The following TMEM232 variants were observed in gnomAD, a reference collection of about 807,000 sequenced individuals.
TMEM232 encodes the protein transmembrane protein 232.
In TMEM232, 80 loss-of-function variants were observed where a neutral mutation model predicts 78.8. The observed-to-expected ratio is 1.01, with a 90% CI of 0.85 to 1.22. The LOEUF (loss-of-function observed/expected upper bound fraction) is 1.22, where lower values mean the gene tolerates loss of function less well. TMEM232 is among the 50% of genes most tolerant of loss of function. The pLI, the probability that TMEM232 is intolerant of heterozygous loss-of-function variation, is 0.00. For synonymous variants in TMEM232, 297 were observed against 254.3 expected (o/e 1.17, Z -1.60); for missense variants, 881 against 742.2 (o/e 1.19, Z -2.17).
intron 1 of TMEM232, among the ~76,000 whole-genome samples, chr5:110,673,017 G>A (rs566273997): frequency 1.3e-3 from 196 of 152,104 alleles, no homozygotes; most frequent in African/African-American, 4.3e-3. Context: ...TGTTTATTGC[G>A]GCACTATTCA....
chr5:110,562,974 CTG>C (rs1388540325), intron 11 of TMEM232, among the ~76,000 whole-genome samples: 1 of 152,048 alleles, frequency 6.6e-6, no homozygotes, highest in South Asian at 2.1e-4. Context: ...ATAGAGTTAA[CTG>C]TGTGTTTTAG....
At chr5:110,460,925 T>A (rs1014055805) in intron 12 of TMEM232, among the ~76,000 whole-genome samples, 4 of 152,166 alleles carry the variant, frequency 2.6e-5, no homozygotes, top group Non-Finnish European at 5.9e-5. Flanking sequence ...ATACACATTG[T>A]ACGTGTTCTG....
At chr5:110,527,179 AT>A (rs1254957559) in intron 12 of TMEM232, among the ~76,000 whole-genome samples, 1 of 151,872 alleles carries the variant, frequency 6.6e-6, no homozygotes, top group Non-Finnish European at 1.5e-5. Context: ...AATTTGGAGC[AT>A]TTTTTGTGAA....
chr5:110,424,693 G>T, intron 13 of TMEM232, 130 bp downstream of exon 13: 2 of 732,910 alleles, frequency 2.7e-6, no homozygotes, highest in Non-Finnish European at 4.4e-6. Flanking sequence ...AATTCAGTTT[G>T]GCAAACCAAT....
intron 1 of TMEM232, among the ~76,000 whole-genome samples, chr5:110,677,027 C>G (rs1792114415): frequency 6.6e-6 from 1 of 152,084 alleles, no homozygotes; most frequent in East Asian, 1.9e-4. Flanking sequence ...TCCCAAAATG[C>G]TGGGATTACA....
chr5:110,737,476 G>C (rs1037399344), intron 1 of TMEM232, among the ~76,000 whole-genome samples: 1 of 152,108 alleles, frequency 6.6e-6, no homozygotes, highest in Non-Finnish European at 1.5e-5. Flanking sequence ...CTCTCCATCA[G>C]AAAGTTATGT....
intron 12 of TMEM232, among the ~76,000 whole-genome samples, chr5:110,479,932 C>T (rs140080210): frequency 4.0e-5 from 6 of 151,670 alleles, no homozygotes; most frequent in South Asian, 2.1e-4. Flanking sequence ...TTTTAACATA[C>T]GACTTTTTAT....
intron 12 of TMEM232, among the ~76,000 whole-genome samples, chr5:110,470,245 C>T (rs924542239): frequency 3.9e-5 from 6 of 152,050 alleles, no homozygotes; most frequent in African/African-American, 9.7e-5. Flanking sequence ...GTGCCCTGCC[C>T]GTAGGGTCAG....
intron 2 of TMEM232, among the ~76,000 whole-genome samples, chr5:110,657,201 A>G (rs1789195186): frequency 6.6e-6 from 1 of 152,244 alleles, no homozygotes. Context: ...GGTTCCTCAA[A>G]AAACTAAAAA....
At chr5:110,461,179 T>C (rs555846246) in intron 12 of TMEM232, among the ~76,000 whole-genome samples, 9 of 151,742 alleles carry the variant, frequency 5.9e-5, no homozygotes, top group African/African-American at 2.2e-4. Context: ...TACCAAATAG[T>C]CAAGCTGTGA....
chr5:110,465,870 G>GTATC (rs1762021252), intron 12 of TMEM232, among the ~76,000 whole-genome samples: 1 of 152,020 alleles, frequency 6.6e-6, no homozygotes, highest in African/African-American at 2.4e-5. Flanking sequence ...TATTTATTGG[G>GTATC]TATCTACCAT....
At chr5:110,647,090 C>G (rs998942435) in intron 2 of TMEM232, among the ~76,000 whole-genome samples, 2 of 151,870 alleles carry the variant, frequency 1.3e-5, no homozygotes, top group Admixed American at 1.3e-4. Context: ...AATTTGCCTA[C>G]ACGAAAGTGC....
At chr5:110,596,045 G>C (rs185773118) in intron 10 of TMEM232, among the ~76,000 whole-genome samples, 2 of 152,124 alleles carry the variant, frequency 1.3e-5, no homozygotes, top group Admixed American at 6.6e-5. Context: ...GGTTACCTAC[G>C]AAGGGAAGCC....
At chr5:110,639,477 T>C (rs1359057448) in intron 4 of TMEM232, among the ~76,000 whole-genome samples, 9 of 152,172 alleles carry the variant, frequency 5.9e-5, no homozygotes, top group Admixed American at 3.3e-4. Context: ...GCCCTCTATA[T>C]GCACATTTCT....
intron 12 of TMEM232, among the ~76,000 whole-genome samples, chr5:110,518,309 T>C (rs1293102677): frequency 6.6e-6 from 1 of 152,128 alleles, no homozygotes; most frequent in Non-Finnish European, 1.5e-5. Flanking sequence ...TATTCCTTTC[T>C]TCAACTGTCC....
intron 12 of TMEM232, among the ~76,000 whole-genome samples, chr5:110,429,349 A>T (rs1580640310): frequency 6.6e-6 from 1 of 151,856 alleles, no homozygotes; most frequent in East Asian, 1.9e-4. Flanking sequence ...TTTCTTTAAC[A>T]GTTCAAGGAT....
At chr5:110,667,166 T>C (rs151066750) in intron 2 of TMEM232, 62 bp downstream of exon 2, 25,086 of 1,341,412 alleles carry the variant, frequency 0.019, 295 homozygotes, top group African/African-American at 0.031. Context: ...TTTTTTTCAG[T>C]TTTCTATATT....
At chr5:110,594,056 T>G (rs1391324255) in intron 10 of TMEM232, among the ~76,000 whole-genome samples, 1 of 152,052 alleles carries the variant, frequency 6.6e-6, no homozygotes, top group East Asian at 1.9e-4. Context: ...CAGCTCCCAG[T>G]GAAACCAACG....
intron 7 of TMEM232, among the ~76,000 whole-genome samples, chr5:110,619,400 T>C (rs960168606): frequency 2.6e-5 from 4 of 152,172 alleles, no homozygotes; most frequent in African/African-American, 9.6e-5. Flanking sequence ...TAAGATATTT[T>C]AAGTTTCTAA....
Sources: gnomAD v4.1 joint callset for allele counts (sites outside exome capture counted in the v4.1 genomes callset) on GRCh38, gnomAD v4.1.1 for gene constraint, MANE v1.5 for transcripts, NCBI Gene and HGNC (gene_info 2026-07-23, HGNC 2026-07-21) for gene names.